Variants in PDE1C observed in about 807,000 individuals in gnomAD.
PDE1C encodes phosphodiesterase 1C.
Under a neutral mutation model 93.1 loss-of-function variants are expected in PDE1C, and 62 were observed. The ratio of observed to expected loss-of-function variants is 0.67; its 90% CI spans 0.54 to 0.82. PDE1C has a LOEUF of 0.82. PDE1C is among the 40% of genes least tolerant of loss of function. PDE1C has a pLI of 0.00. For synonymous variants in PDE1C, 325 were observed against 310.1 expected, an observed-to-expected ratio of 1.05 and a Z score of -0.50; for missense variants, 742 against 884.6, an observed-to-expected ratio of 0.84 and a Z score of 2.04.
intron 1 of PDE1C, among the ~76,000 whole-genome samples, chr7:32,252,585 A>T (rs1001347899): frequency 6.6e-6 from 1 of 152,140 alleles, no homozygotes; most frequent in Non-Finnish European, 1.5e-5. Context: ...CAGCATTTGC[A>T]CAGGTCCACA....
At chr7:31,837,757 G>C in intron 10 of PDE1C, 113 bp downstream of exon 10, 1 of 682,446 alleles carries the variant, frequency 1.5e-6, no homozygotes, top group Admixed American at 2.3e-5. Context: ...CATTGCATAA[G>C]AACACTCTAT....
Position 31,823,083 on chromosome 7 carries a change from C to T in PDE1C, c.1572G>A (p.Lys524=), listed in dbSNP as rs1190409071. The change falls in exon 14 of 18, where the codon AAG becomes AAA. Residue 524 remains lysine, a synonymous_variant. Coordinates refer to ENST00000396191, the MANE Select transcript of PDE1C (RefSeq NM_001191057.4). Reference sequence around the variant, plus strand: ...TCTGTGGCATGTTACCTTTGGGTACCTTGGCCCTCCATCTCTCCCGATTGA... The same window carrying T: ...TCTGTGGCATGTTACCTTTGGGTACTTTGGCCCTCCATCTCTCCCGATTGA... ...VHINRERWRA[K]VPKEEKAKKE... is the part of the protein sequence containing the mutation. 2 of 1,609,864 alleles carry T rather than the reference C, an allele frequency of 1.2e-6. No individual in the cohort carries two copies. The highest frequency in any genetic ancestry group is 3.4e-5 in the Admixed American group (2 of 59,506).
intron 15 of PDE1C, among the ~76,000 whole-genome samples, 193 bp downstream of exon 15, chr7:31,815,731 G>C (rs1429488741): frequency 6.6e-6 from 1 of 152,124 alleles, no homozygotes; most frequent in African/African-American, 2.4e-5. Context: ...TCCCTGAAGA[G>C]GATGGCACAG....
At chr7:32,263,320 C>T (rs1173789531) in intron 1 of PDE1C, among the ~76,000 whole-genome samples, 1 of 152,076 alleles carries the variant, frequency 6.6e-6, no homozygotes, top group Non-Finnish European at 1.5e-5. Context: ...CTTGCCTTCT[C>T]CCTCCTCCCC....
At chr7:32,304,581 C>T (rs553317863) in intron 1 of PDE1C, among the ~76,000 whole-genome samples, 1 of 152,050 alleles carries the variant, frequency 6.6e-6, no homozygotes, top group Non-Finnish European at 1.5e-5. Flanking sequence ...CAAAAAGCTC[C>T]TCTTTTTGTT....
At chr7:31,687,725 C>G in the PDE1C span, among the ~76,000 whole-genome samples, 1 of 152,146 alleles carries the variant, frequency 6.6e-6, no homozygotes, top group Admixed American at 6.5e-5. Flanking sequence ...TTTTAAAAGA[C>G]GGTACTTTTT....
At chr7:32,308,090 A>G (rs559327541) in intron 1 of PDE1C, among the ~76,000 whole-genome samples, 3 of 152,240 alleles carry the variant, frequency 2.0e-5, no homozygotes, top group Non-Finnish European at 4.4e-5. Flanking sequence ...TATCCCGCAC[A>G]TGGCTCAGAG....
chr7:31,689,484 T>C, the PDE1C span, among the ~76,000 whole-genome samples: 2 of 152,086 alleles, frequency 1.3e-5, no homozygotes, highest in South Asian at 2.1e-4. Context: ...TGACACCTGC[T>C]TGGGGTAGAG....
At chr7:31,878,490 A>G (rs900762592) in intron 4 of PDE1C, among the ~76,000 whole-genome samples, 1 of 152,244 alleles carries the variant, frequency 6.6e-6, no homozygotes. Flanking sequence ...TCTAAAATGT[A>G]TAATTACACT....
chr7:32,162,315 A>G lies in PDE1C; in HGVS notation c.308+7470T>C, dbSNP rs564187185. 2.0e-5 allele frequency among the ~76,000 whole-genome samples: 3 copies of G among 152,336 alleles called. No individual in the cohort carries two copies. The South Asian group carries it at 6.2e-4, about 32-fold the overall frequency. On this transcript the variant is annotated intron_variant, in intron 3 of 18. Transcript: ENST00000396193. ...ACTGGCCCAGAATATCCAGGCCAGT[A>G]GCATTGGAGCTATGCCCCCCGTGCC... is the stretch of plus-strand genomic sequence containing the variant.
chr7:32,085,231 G>C (rs947844544), intron 3 of PDE1C, among the ~76,000 whole-genome samples: 5 of 149,158 alleles, frequency 3.4e-5, no homozygotes, highest in African/African-American at 1.2e-4. Flanking sequence ...ACAACTCTAC[G>C]CAAATAAACT....
chr7:32,263,327 C>T (rs1438506868), intron 1 of PDE1C, among the ~76,000 whole-genome samples: 1 of 152,090 alleles, frequency 6.6e-6, no homozygotes, highest in Non-Finnish European at 1.5e-5. Flanking sequence ...TCTCCCTCCT[C>T]CCCCTGCATA....
At chr7:32,189,588 A>C (rs1378105541) in intron 2 of PDE1C, among the ~76,000 whole-genome samples, 1 of 152,174 alleles carries the variant, frequency 6.6e-6, no homozygotes, top group African/African-American at 2.4e-5. Flanking sequence ...TCATTATAAA[A>C]ATTTGGTGGG....
chr7:32,368,560 T>C (rs945092228), intron 1 of PDE1C, among the ~76,000 whole-genome samples: 1 of 152,126 alleles, frequency 6.6e-6, no homozygotes, highest in Admixed American at 6.5e-5. Flanking sequence ...ATTAATATTG[T>C]TAAAATGACC....
intron 7 of PDE1C, among the ~76,000 whole-genome samples, chr7:31,864,376 G>C (rs1401720143): frequency 6.6e-6 from 1 of 152,040 alleles, no homozygotes; most frequent in Non-Finnish European, 1.5e-5. Context: ...AATTTTTAAA[G>C]CAAAACCAAA....
chr7:31,635,984 G>C, the PDE1C span, among the ~76,000 whole-genome samples: 1 of 152,170 alleles, frequency 6.6e-6, no homozygotes, highest in South Asian at 2.1e-4. Flanking sequence ...ACAGTTCTGT[G>C]TGGCTGGGGA....
intron 1 of PDE1C, among the ~76,000 whole-genome samples, chr7:32,378,890 A>G (rs1459744367): frequency 2.6e-5 from 4 of 152,184 alleles, no homozygotes; most frequent in African/African-American, 9.6e-5. Flanking sequence ...CCTCGCATCA[A>G]TTAAACTCTT....
chr7:32,124,978 A>G (rs188836494), intron 3 of PDE1C, among the ~76,000 whole-genome samples: 3 of 152,354 alleles, frequency 2.0e-5, no homozygotes, highest in East Asian at 3.9e-4. Flanking sequence ...TCCATCTGAC[A>G]AAGATCTAAT....
At chr7:31,765,660 A>C (rs1002258322) in intron 17 of PDE1C, among the ~76,000 whole-genome samples, 5 of 152,218 alleles carry the variant, frequency 3.3e-5, no homozygotes, top group African/African-American at 4.8e-5. Flanking sequence ...AATCCAGTCC[A>C]CAGTAAGTGA....
Sources: gnomAD v4.1 joint callset for allele counts (sites outside exome capture counted in the v4.1 genomes callset) on GRCh38, gnomAD v4.1.1 for gene constraint, MANE v1.5 for transcripts, NCBI Gene and HGNC (gene_info 2026-07-23, HGNC 2026-07-21) for gene names.